CCDC18: variants seen among roughly 807,000 people sequenced by gnomAD.
CCDC18 encodes coiled-coil domain containing 18.
CCDC18 carries 157 observed loss-of-function variants against 196.0 expected under a neutral mutation model. The observed-to-expected ratio is 0.80, with a 90% CI of 0.70 to 0.91. The LOEUF (loss-of-function observed/expected upper bound fraction) is 0.91, where lower values mean the gene tolerates loss of function less well. Ranked by LOEUF, CCDC18 falls within the 40% of genes least tolerant of loss-of-function variation. The pLI is 0.00. For missense variants in CCDC18, 1,465 were observed against 1,611.6 expected (o/e 0.91, Z 1.56); for synonymous variants, 482 against 529.2 (o/e 0.91, Z 1.22).
At chr1:93,188,436 T>G (rs1427941820) in intron 4 of CCDC18, among the ~76,000 whole-genome samples, 1 of 152,216 alleles carries the variant, frequency 6.6e-6, no homozygotes, top group South Asian at 2.1e-4. Context: ...TTTCCTAGTT[T>G]ATTCTTTCTG....
intron 5 of CCDC18, 114 bp downstream of exon 5, chr1:93,192,220 C>G (rs1482508307): frequency 7.2e-6 from 5 of 697,438 alleles, no homozygotes; most frequent in African/African-American, 5.4e-5. Flanking sequence ...TAATGGTGTT[C>G]AGCTGTCTTA....
chr1:93,184,991 G>C (rs1032633087), intron 3 of CCDC18, among the ~76,000 whole-genome samples: 2 of 151,652 alleles, frequency 1.3e-5, no homozygotes, highest in African/African-American at 2.4e-5. Flanking sequence ...TGATAATGCC[G>C]ATCAAAGACA....
intron 23 of CCDC18, among the ~76,000 whole-genome samples, chr1:93,253,459 A>G (rs670254): frequency 0.93 from 140,832 of 152,242 alleles, 65,260 homozygotes; most frequent in East Asian, 1. Context: ...GATTGCAGCA[A>G]GAGAGTCGGG....
chr1:93,259,081 T>C (rs1663427594), intron 26 of CCDC18, among the ~76,000 whole-genome samples, 196 bp downstream of exon 26: 1 of 152,202 alleles, frequency 6.6e-6, no homozygotes, highest in South Asian at 2.1e-4. Context: ...CCAGGCAACC[T>C]GGTTCTAAAC....
chr1:93,241,752 C>T (rs1316176539), intron 21 of CCDC18, among the ~76,000 whole-genome samples: 6 of 140,168 alleles, frequency 4.3e-5, no homozygotes, highest in Middle Eastern at 4.1e-3. Flanking sequence ...AAAAATAGAT[C>T]ATATTGCTTA....
intron 27 of CCDC18, among the ~76,000 whole-genome samples, chr1:93,268,991 G>A (rs1440155941): frequency 6.6e-6 from 1 of 152,070 alleles, no homozygotes; most frequent in Non-Finnish European, 1.5e-5. Flanking sequence ...GTTTATTGCG[G>A]CACTATTCAC....
intron 4 of CCDC18, chr1:93,191,080 GC>G (rs1173108946): frequency 6.5e-6 from 4 of 612,716 alleles, no homozygotes; most frequent in Non-Finnish European, 1.1e-5. Context: ...AGTGCTATCA[GC>G]AAGGAGATTT....
intron 27 of CCDC18, among the ~76,000 whole-genome samples, chr1:93,267,922 A>C (rs904762119): frequency 7.2e-5 from 11 of 152,212 alleles, no homozygotes; most frequent in African/African-American, 2.7e-4. Flanking sequence ...TCTTCACAAA[A>C]CTGGAAAACA....
At chr1:93,245,746 A>G (rs1260226890) in intron 21 of CCDC18, among the ~76,000 whole-genome samples, 4 of 152,120 alleles carry the variant, frequency 2.6e-5, no homozygotes, top group Non-Finnish European at 5.9e-5. Context: ...TACATGTAAA[A>G]GACTTTGAAA....
At chr1:93,217,976 GT>G (rs1004225922) in intron 14 of CCDC18, 107 bp downstream of exon 14, 10 of 905,308 alleles carry the variant, frequency 1.1e-5, no homozygotes, top group African/African-American at 1.7e-5. Flanking sequence ...ACAAAAGTTA[GT>G]GGCAAGAGCT....
At chr1:93,210,618 CT>C (rs545369886) in intron 9 of CCDC18, among the ~76,000 whole-genome samples, 183 bp from the exon 10 acceptor site, 4 of 152,054 alleles carry the variant, frequency 2.6e-5, no homozygotes, top group Admixed American at 2.6e-4. Context: ...AGGTTTATTT[CT>C]TTTAACTATT....
chr1:93,246,039 A>T (rs970651668), intron 21 of CCDC18, 66 bp from the exon 22 acceptor site: 6 of 1,050,126 alleles, frequency 5.7e-6, no homozygotes, highest in Non-Finnish European at 5.4e-6. Context: ...AACCTGGTTG[A>T]CCTAACTTTT....
In CCDC18 at chr1:93,207,179, G is replaced by C; in HGVS notation, c.990G>C (p.Met330Ile). 1 of 1,608,714 alleles carries C rather than the reference G, an allele frequency of 6.2e-7. No individual in the cohort carries two copies. The stretch of plus-strand genomic sequence containing the variant: ...TGGCAGTGAAAAATTCAGAAGTCAT[G>C]GCACAACTAACTGAATCTAGACAAA... ...RIMAVKNSEV[M>I]AQLTESRQSI... Residue 330 changes from methionine to isoleucine, a missense_variant, in exon 9 of 29, where the codon ATG becomes ATC. Physicochemically the swap from Met to Ile is conservative, Grantham distance 10. Coordinates refer to ENST00000690025, the MANE Select transcript of CCDC18 (RefSeq NM_001378204.1).
intron 28 of CCDC18, among the ~76,000 whole-genome samples, chr1:93,273,072 T>A (rs1419635907): frequency 6.9e-6 from 1 of 145,528 alleles, no homozygotes; most frequent in Non-Finnish European, 1.5e-5. Context: ...TTGCTTTTCT[T>A]TTCTTTTTTT....
intron 8 of CCDC18, 125 bp from the exon 9 acceptor site, chr1:93,206,982 G>T: frequency 1.8e-6 from 1 of 544,016 alleles, no homozygotes; most frequent in Non-Finnish European, 3.2e-6. Flanking sequence ...TAGGTATTTA[G>T]TAAATGTGAG....
Position 93,270,489 on chromosome 1 carries a change from C to T in CCDC18, c.4028C>T (p.Thr1343Ile). The T allele has an allele frequency of 1.3e-6, 2 of 1,550,398 alleles. No homozygotes were observed. The highest frequency in any genetic ancestry group is 1.7e-6 in the Non-Finnish European group (2 of 1,146,876). The change falls in exon 28 of 29, where the codon ACA (threonine) becomes ATA (isoleucine). Residue 1343 changes from threonine to isoleucine, a missense_variant. Thr to Ile is a moderately conservative substitution (Grantham distance 89). Coordinates refer to ENST00000690025, the MANE Select transcript of CCDC18 (RefSeq NM_001378204.1). The part of the protein sequence containing the change: ...QDPKFAKCFH[T>I]SFSKCTKLRR... ...CCAAAATTTGCTAAATGTTTTCACA[C>T]ATCTTTTTCCAAGTGTACAAAATTA...
upstream of CCDC18, chr1:93,180,340 G>C (rs1441646456): frequency 5.7e-6 from 8 of 1,409,008 alleles, no homozygotes; most frequent in Non-Finnish European, 7.6e-6. Context: ...AGGGAAATCT[G>C]GAGTCTGAAG....
chr1:93,215,005 G>A, intron 12 of CCDC18, 39 bp downstream of exon 12: 3 of 1,288,606 alleles, frequency 2.3e-6, no homozygotes, highest in Non-Finnish European at 2.1e-6. Flanking sequence ...GTTAATTTTT[G>A]AACTAGAACA....
intron 17 of CCDC18, among the ~76,000 whole-genome samples, chr1:93,227,580 T>G (rs1658574044): frequency 6.6e-6 from 1 of 152,166 alleles, no homozygotes; most frequent in African/African-American, 2.4e-5. Context: ...TAATGAAGAA[T>G]GTATTTGTTA....
Sources: allele counts gnomAD v4.1 joint callset (sites outside exome capture counted in the v4.1 genomes callset), GRCh38; gene constraint gnomAD v4.1.1; transcripts MANE v1.5; gene names NCBI Gene and HGNC (gene_info 2026-07-23, HGNC 2026-07-21).